The following PGM5 variants were observed in gnomAD, a reference collection of about 807,000 sequenced individuals.
PGM5 encodes the protein phosphoglucomutase 5.
Under a neutral mutation model 59.2 loss-of-function variants are expected in PGM5, and 23 were observed. The ratio of observed to expected loss-of-function variants is 0.39; its 90% CI spans 0.28 to 0.55. The LOEUF (loss-of-function observed/expected upper bound fraction) is 0.55. Ranked by LOEUF, PGM5 falls within the 20% of genes least tolerant of loss-of-function variation. The pLI is 0.66. For missense variants in PGM5, 574 were observed against 748.3 expected, an observed-to-expected ratio of 0.77 and a Z score of 2.72; for synonymous variants, 214 against 286.0, an observed-to-expected ratio of 0.75 and a Z score of 2.54.
chr9:68,408,974 T>C (rs1362117453), intron 6 of PGM5, among the ~76,000 whole-genome samples: 1 of 152,124 alleles, frequency 6.6e-6, no homozygotes, highest in Non-Finnish European at 1.5e-5. Context: ...TTTTGGTTAC[T>C]GTAGGCTTGT....
At chr9:68,521,408 A>T (rs1328671102) in intron 10 of PGM5, among the ~76,000 whole-genome samples, 1 of 152,218 alleles carries the variant, frequency 6.6e-6, no homozygotes, top group Non-Finnish European at 1.5e-5. Context: ...AAAGGGAGGA[A>T]AAGGAGGAAA....
chr9:68,371,223 C>T (rs1248744264), intron 1 of PGM5, among the ~76,000 whole-genome samples: 5 of 152,186 alleles, frequency 3.3e-5, no homozygotes, highest in African/African-American at 1.2e-4. Context: ...TGGTGTGGGA[C>T]GTTCAGCGGG....
chr9:68,403,342 A>G (rs1234808236), intron 6 of PGM5, among the ~76,000 whole-genome samples: 2 of 152,184 alleles, frequency 1.3e-5, no homozygotes, highest in African/African-American at 2.4e-5. Flanking sequence ...ATTCTACATT[A>G]TGGTGTGTTG....
At chr9:68,434,654 A>G (rs1823416374) in intron 6 of PGM5, among the ~76,000 whole-genome samples, 1 of 152,134 alleles carries the variant, frequency 6.6e-6, no homozygotes, top group South Asian at 2.1e-4. Flanking sequence ...AAAAACACAA[A>G]GTTTGGCTGG....
At chr9:68,522,554 T>C (rs1291186523) in intron 10 of PGM5, among the ~76,000 whole-genome samples, 1 of 152,216 alleles carries the variant, frequency 6.6e-6, no homozygotes, top group African/African-American at 2.4e-5. Context: ...ACATTTCATA[T>C]TTTGGGTTTG....
intron 6 of PGM5, among the ~76,000 whole-genome samples, chr9:68,454,640 T>C (rs1463505688): frequency 6.6e-6 from 1 of 152,142 alleles, no homozygotes; most frequent in Admixed American, 6.5e-5. Flanking sequence ...CATTCCATTT[T>C]GTAGGTAAAA....
At chr9:68,358,893 G>A (rs1408223876) in intron 1 of PGM5, among the ~76,000 whole-genome samples, 2 of 152,086 alleles carry the variant, frequency 1.3e-5, no homozygotes, top group South Asian at 2.1e-4. Context: ...TCCTCACTTG[G>A]GATTGATGAA....
intron 6 of PGM5, chr9:68,396,582 T>A (rs1485322422): frequency 6.6e-6 from 1 of 152,362 alleles, no homozygotes; most frequent in Non-Finnish European, 1.5e-5. Context: ...AAAGGACCTG[T>A]TCTGATATGT....
intron 6 of PGM5, among the ~76,000 whole-genome samples, chr9:68,421,994 T>C (rs1462273423): frequency 6.6e-6 from 1 of 152,080 alleles, no homozygotes; most frequent in African/African-American, 2.4e-5. Flanking sequence ...TAATAAAATG[T>C]TAAAGCAATG....
intron 10 of PGM5, among the ~76,000 whole-genome samples, chr9:68,524,821 A>C (rs1254621453): frequency 1.3e-5 from 2 of 152,236 alleles, no homozygotes; most frequent in South Asian, 4.1e-4. Flanking sequence ...TGGAAAATGC[A>C]GTAGAGGAGC....
intron 10 of PGM5, among the ~76,000 whole-genome samples, chr9:68,502,148 G>T (rs962345286): frequency 6.6e-6 from 1 of 152,340 alleles, no homozygotes; most frequent in East Asian, 1.9e-4. Flanking sequence ...AGATGGGCAG[G>T]TTCTTGCCCT....
intron 6 of PGM5, chr9:68,396,193 A>G (rs1381310332): frequency 6.6e-6 from 1 of 152,186 alleles, no homozygotes; most frequent in Admixed American, 6.6e-5. Context: ...TGAGGTAGGT[A>G]TTACTCTCCT....
intron 6 of PGM5, among the ~76,000 whole-genome samples, chr9:68,447,189 C>T (rs542522944): frequency 6.6e-6 from 1 of 152,318 alleles, no homozygotes; most frequent in African/African-American, 2.4e-5. Flanking sequence ...GGATCATGCT[C>T]ACTGCCAAAT....
chr9:68,447,519 C>T (rs1439403469), intron 6 of PGM5, among the ~76,000 whole-genome samples: 1 of 152,088 alleles, frequency 6.6e-6, no homozygotes, highest in African/African-American at 2.4e-5. Flanking sequence ...TCTCAATATC[C>T]TCTATTAAGA....
intron 1 of PGM5, chr9:68,357,632 C>T (rs1166857621): frequency 6.6e-6 from 4 of 603,438 alleles, no homozygotes; most frequent in East Asian, 3.2e-5. Flanking sequence ...GGGTTTCCGT[C>T]GTTCCTGGAG....
chr9:68,511,391 A>C (rs975066714), intron 10 of PGM5, among the ~76,000 whole-genome samples: 5 of 152,100 alleles, frequency 3.3e-5, no homozygotes, highest in Non-Finnish European at 7.4e-5. Context: ...TATGGCCTGA[A>C]CTAGTTTTCG....
intron 7 of PGM5, among the ~76,000 whole-genome samples, chr9:68,474,117 G>A (rs903877203): frequency 6.6e-6 from 1 of 152,114 alleles, no homozygotes; most frequent in African/African-American, 2.4e-5. Flanking sequence ...ACCAATGCCT[G>A]GGCCCCATCA....
chr9:68,517,472 C>G (rs563240981), intron 10 of PGM5, among the ~76,000 whole-genome samples: 1 of 152,164 alleles, frequency 6.6e-6, no homozygotes, highest in African/African-American at 2.4e-5. Flanking sequence ...TTCACTGCCT[C>G]TAGTGTACTA....
intron 6 of PGM5, among the ~76,000 whole-genome samples, chr9:68,461,702 T>A (rs951627571): frequency 6.6e-6 from 1 of 152,252 alleles, no homozygotes; most frequent in African/African-American, 2.4e-5. Context: ...GCTGGTGCCT[T>A]GATCTCAGAC....
Sources: gnomAD v4.1 joint callset for allele counts (sites outside exome capture counted in the v4.1 genomes callset) on GRCh38, gnomAD v4.1.1 for gene constraint, MANE v1.5 for transcripts, NCBI Gene and HGNC (gene_info 2026-07-23, HGNC 2026-07-21) for gene names.